PIDD1: variants seen among roughly 807,000 people sequenced by gnomAD.
The protein encoded by PIDD1 is p53-induced death domain protein 1.
PIDD1 carries 72 observed loss-of-function variants against 80.0 expected under a neutral mutation model. The ratio of observed to expected loss-of-function variants is 0.90; its 90% CI spans 0.74 to 1.09. The LOEUF is 1.09. Among genes scored for constraint, PIDD1 ranks in the 50% least tolerant of loss-of-function variants. The pLI is 0.00. For synonymous variants in PIDD1, 655 were observed against 543.5 expected, an observed-to-expected ratio of 1.21 and a Z score of -2.85; for missense variants, 1,329 against 1,228.3, an observed-to-expected ratio of 1.08 and a Z score of -1.23.
intron 3 of PIDD1, 45 bp from the exon 4 acceptor site, chr11:802,936 G>GT: frequency 6.7e-7 from 1 of 1,484,300 alleles, no homozygotes; most frequent in Non-Finnish European, 9.2e-7. Flanking sequence ...CCCAGCCCAC[G>GT]GCGCTGGGAC....
chr11:801,862 G>A (rs1192670706), intron 7 of PIDD1, 103 bp downstream of exon 7: 17 of 1,444,694 alleles, frequency 1.2e-5, no homozygotes, highest in Non-Finnish European at 1.4e-5. Flanking sequence ...ATCCAGGAGG[G>A]ACGGGGCAGG....
At position 802,237 on chromosome 11, in the gene PIDD1, G is replaced by T; in HGVS notation, c.1134C>A (p.Ser378Arg). 1 of 1,611,564 alleles carries T rather than the reference G, an allele frequency of 6.2e-7. No homozygotes were observed. The highest frequency in any genetic ancestry group is 8.5e-7 in the Non-Finnish European group (1 of 1,179,410). ...VPLGPHDALL[S>R]HVLELQPHGV... is the part of the protein sequence containing the mutation. ...CATGGGGCTGCAGCTCCAGCACATG[G>T]CTGAGCAGGGCGTCATGAGGACCCA... Residue 378 changes from serine to arginine, a missense_variant, in exon 6 of 16, where the codon AGC (serine) becomes AGA (arginine). Ser to Arg is a moderately radical substitution (Grantham distance 110). Coordinates refer to ENST00000347755, the MANE Select transcript of PIDD1 (RefSeq NM_145886.4).
Position 803,524 on chromosome 11 carries a change from C to G in PIDD1, c.359G>C (p.Gly120Ala). Residue 120 changes from glycine to alanine, a missense_variant, in exon 3 of 16, where the codon GGT (glycine) becomes GCT (alanine). Coordinates refer to ENST00000347755, the MANE Select transcript of PIDD1 (RefSeq NM_145886.4). ...GGCCAGATGGGCCAGGCCACTCAGA[C>G]CAGCGGGCAGGTTGGTCAGGGCACC... ...LRGALTNLPA[G>A]LSGLAHLAHL... The G allele has an allele frequency of 1.5e-5, 24 of 1,613,190 alleles. No homozygotes were observed. Among genetic ancestry groups the G allele is most frequent in the Non-Finnish European group, 2.0e-5 (24 of 1,179,938 alleles).
At chr11:804,043 G>C in intron 2 of PIDD1, 51 bp downstream of exon 2, 3 of 1,544,160 alleles carry the variant, frequency 1.9e-6, no homozygotes, top group Non-Finnish European at 2.6e-6. Context: ...ATGCAGCAGA[G>C]GCAGGGCAGA....
chr11:800,758 C>T lies in PIDD1; in HGVS notation c.1917+4G>A. 1.3e-5 allele frequency: 20 copies of T among 1,547,246 alleles called. No individual in the cohort carries two copies. Among genetic ancestry groups the T allele is most frequent in the Non-Finnish European group, 1.7e-5 (20 of 1,146,848 alleles). ...CCCTGCTGCCCTCCGGCCCGTGCCC[C>T]CACCTTGTTTCGGGGCAGGCACTGC... On this transcript the variant is annotated splice_donor_region_variant and intron_variant, in intron 11 of 15. Coordinates refer to ENST00000347755, the MANE Select transcript of PIDD1 (RefSeq NM_145886.4).
At chr11:807,528 A>T (rs1484437373), upstream of PIDD1, among the ~76,000 whole-genome samples, 1 of 151,760 alleles carries the variant, frequency 6.6e-6, no homozygotes, top group African/African-American at 2.4e-5. Context: ...CTCTAATCCC[A>T]GCACTTTGGG....
Position 802,760 on chromosome 11 carries a change from CAG to C in PIDD1, c.839_840del (p.Pro280ArgfsTer17). The C allele has an allele frequency of 1.9e-6, 3 of 1,610,446 alleles. No individual in the cohort carries two copies. The highest frequency in any genetic ancestry group is 2.5e-6 in the Non-Finnish European group (3 of 1,178,968). ...LRDNQLRDLPPELLDAPFVRL... is the reference protein window; with the variant it reads ...LRDNQLRDLPXELLDAPFVRL... ...CGCACAAAGGGGGCGTCTAGCAGCT[CAG>C]GGGGCAGGTCCCGGAGCTGGTTGTC... is the stretch of plus-strand genomic sequence containing the variant. On this transcript the variant is annotated frameshift_variant, in exon 4 of 16. Transcript: ENST00000347755. LOFTEE classifies it high-confidence loss of function.
intron 15 of PIDD1, 56 bp from the exon 16 acceptor site, chr11:799,621 A>G (rs1776366713): frequency 2.0e-6 from 3 of 1,524,156 alleles, no homozygotes. Context: ...AGGACCCCCC[A>G]CCACACTCTG....
rs749370608 is a variant in PIDD1, at chr11:799,926, G to A, written c.2363C>T (p.Thr788Met). ...AGCCACACTCAGCAGGTTGCTCTGC[G>A]TCAGAAAGCCGGTCTCGGCATCTCC... ...NLGDAETGFL[T>M]QSNLLSVAGR... Residue 788 changes from threonine (T) to methionine (M), a missense_variant, in exon 15 of 16, where the codon ACG (threonine) becomes ATG (methionine). Physicochemically the swap from Thr to Met is moderately conservative, Grantham distance 81. Coordinates refer to ENST00000347755, the MANE Select transcript of PIDD1 (RefSeq NM_145886.4). The A allele has an allele frequency of 1.8e-4, 297 of 1,612,628 alleles. No homozygotes were observed. Among genetic ancestry groups the A allele is most frequent in the Non-Finnish European group, 2.4e-4 (282 of 1,179,936 alleles).
Position 799,834 on chromosome 11 carries a change from G to T in PIDD1, c.2455C>A (p.Arg819Ser). 6.3e-7 allele frequency: 1 copy of T among 1,597,286 alleles called. No individual in the cohort carries two copies. Among genetic ancestry groups the T allele is most frequent in the Non-Finnish European group, 8.5e-7 (1 of 1,172,392 alleles). ...HLGVSYREVQRIRHEFRDDLD... is the reference protein window; with the variant it reads ...HLGVSYREVQSIRHEFRDDLD... ...CCTCACCGGAACTCGTGCCGGATGC[G>T]CTGCACCTCCCGGTAGGACACCCCC... Residue 819 changes from arginine to serine, a missense_variant, in exon 15 of 16, where the codon CGC becomes AGC. Physicochemically the swap from Arg to Ser is moderately radical, Grantham distance 110. Coordinates refer to ENST00000347755, the MANE Select transcript of PIDD1 (RefSeq NM_145886.4).
rs770044545 is a variant in PIDD1 at position 800,542 on chromosome 11, C to A, written c.2041+1G>T. ...CAGGGAGCATCCACCAGCATCCCTA[C>A]CAGCATCCACGTCGATGCCGCGCTC... On this transcript the variant is annotated splice_donor_variant, in intron 12 of 15. Transcript: ENST00000347755. LOFTEE classifies it high-confidence loss of function. 6.2e-7 allele frequency: 1 copy of A among 1,609,002 alleles called. No homozygotes were observed. Among genetic ancestry groups the A allele is most frequent in the Non-Finnish European group, 8.5e-7 (1 of 1,179,070 alleles).
At chr11:801,729 C>T (rs1161203891) in intron 7 of PIDD1, 105 bp from the exon 8 acceptor site, 2 of 1,071,908 alleles carry the variant, frequency 1.9e-6, no homozygotes. Flanking sequence ...TGGAAGGTGC[C>T]AGGGACACAG....
At chr11:802,653 A>G in intron 4 of PIDD1, 29 bp downstream of exon 4, 1 of 1,606,912 alleles carries the variant, frequency 6.2e-7, no homozygotes, top group South Asian at 1.1e-5. Flanking sequence ...GTCCTATCCC[A>G]GGTCTGCCCC....
rs1172415682 is a variant in PIDD1, at chr11:799,849, A to G, written c.2440T>C (p.Tyr814His). Residue 814 changes from tyrosine (Y) to histidine (H), a missense_variant, in exon 15 of 16, where the codon TAC becomes CAC. Transcript: ENST00000347755. ...PAVALHLGVSYREVQRIRHEF... is the reference protein window; with the variant it reads ...PAVALHLGVSHREVQRIRHEF... ...TGCCGGATGCGCTGCACCTCCCGGT[A>G]GGACACCCCCAGGTGCAGGGCCACG... 1.2e-6 allele frequency: 2 copies of G among 1,606,564 alleles called. No homozygotes were observed. The highest frequency in any genetic ancestry group is 1.7e-6 in the Non-Finnish European group (2 of 1,177,266).
rs770316834 is a variant in PIDD1 at position 804,369 on chromosome 11, C to G, written c.20G>C (p.Gly7Ala). 5 of 1,597,980 alleles carry G rather than the reference C, an allele frequency of 3.1e-6. No homozygotes were observed. The African/African-American group carries it at 6.7e-5, about 21-fold the overall frequency. The stretch of plus-strand genomic sequence containing the variant: ...GGCAGCAGCTGCCTCCAGCTCTGGC[C>G]CCTCCACCGTTGCAGCCATCGCCCA... MAATVE[G>A]PELEAAAAAG... The change falls in exon 2 of 16, where the codon GGG becomes GCG. Residue 7 changes from glycine (G) to alanine (A), a missense_variant. Transcript: ENST00000347755.
rs1316447895 is a variant in PIDD1 at position 801,104 on chromosome 11, G to A, written c.1647C>T (p.Arg549=). ...PSGITGLSLD[R]SRLHLLYWAP... is the part of the protein sequence containing the mutation. ...CCCAGTACAACAGGTGCAGGCGGGA[G>A]CGGTCCAGACTGAGGCCTGGGGATG... Residue 549 remains arginine, a synonymous_variant, in exon 10 of 16, where the codon CGC becomes CGT. Coordinates refer to ENST00000347755, the MANE Select transcript of PIDD1 (RefSeq NM_145886.4). 1.3e-6 allele frequency: 2 copies of A among 1,573,130 alleles called. No homozygotes were observed. The highest frequency in any genetic ancestry group is 1.3e-5 in the African/African-American group (1 of 74,442).
rs754924901 is a variant in PIDD1 at position 799,455 on chromosome 11, C to T, written c.2585G>A (p.Arg862Gln). The change falls in exon 16 of 16, where the codon CGG becomes CAG. Residue 862 changes from arginine to glutamine, a missense_variant. Transcript: ENST00000347755. ...LLVQALEQSDRQDVAEEVRAV... is the reference protein window; with the variant it reads ...LLVQALEQSDQQDVAEEVRAV... ...GCGCACCTCTTCAGCCACGTCCTGC[C>T]GGTCACTCTGCTCCAGGGCCTGCAC... 6.2e-6 allele frequency: 10 copies of T among 1,610,356 alleles called. No homozygotes were observed. The highest frequency in any genetic ancestry group is 2.2e-5 in the East Asian group (1 of 44,868).
rs7111855 is a variant in PIDD1, at chr11:800,556, G to A, written c.2028C>T (p.Ile676=). The part of the protein sequence containing the change: ...EEFFAAFERG[I]DVDADRPDCV... ...CAGCATCCCTACCAGCATCCACGTCGATGCCGCGCTCGAAGGCCGCAAAGA... is the reference window on the plus strand; with the variant it reads ...CAGCATCCCTACCAGCATCCACGTCAATGCCGCGCTCGAAGGCCGCAAAGA... Residue 676 remains isoleucine, a synonymous_variant, in exon 12 of 16, where the codon ATC becomes ATT. Coordinates refer to ENST00000347755, the MANE Select transcript of PIDD1 (RefSeq NM_145886.4). 5.4e-3 allele frequency: 8,321 copies of A among 1,541,458 alleles called. 371 individuals carry two copies. In the African/African-American group the frequency reaches 0.1, roughly 19 times the overall value.
rs1366026055 is a variant in PIDD1 at position 801,960 on chromosome 11, C to T, written c.1302+5G>A. Reference sequence around the variant, plus strand: ...TCGCCACCGGCAGGCCTGGGTGGCCCTCACCTGGGGTGCCTCTTCCTCCAG... The same window carrying T: ...TCGCCACCGGCAGGCCTGGGTGGCCTTCACCTGGGGTGCCTCTTCCTCCAG... On this transcript the variant is annotated splice_donor_5th_base_variant and intron_variant, in intron 7 of 15. Transcript: ENST00000347755. 6.3e-7 allele frequency: 1 copy of T among 1,598,202 alleles called. No individual in the cohort carries two copies. The highest frequency in any genetic ancestry group is 1.1e-5 in the South Asian group (1 of 88,358).
Sources: gnomAD v4.1 joint callset for allele counts (sites outside exome capture counted in the v4.1 genomes callset) on GRCh38, gnomAD v4.1.1 for gene constraint, MANE v1.5 for transcripts, NCBI Gene and HGNC (gene_info 2026-07-23, HGNC 2026-07-21) for gene names.